The following FOXN3 variants were observed in gnomAD, a reference collection of about 807,000 sequenced individuals.
The protein encoded by FOXN3 is forkhead box protein N3.
Under a neutral mutation model 38.4 loss-of-function variants are expected in FOXN3, and 7 were observed. The observed-to-expected ratio is 0.18, with a 90% CI of 0.10 to 0.34. The LOEUF is 0.34. FOXN3 is among the 10% of genes least tolerant of loss of function. FOXN3 has a pLI of 1.00. For missense variants in FOXN3, 456 were observed against 613.4 expected, an observed-to-expected ratio of 0.74 and a Z score of 2.71; for synonymous variants, 230 against 242.2, an observed-to-expected ratio of 0.95 and a Z score of 0.47.
chr14:89,374,290 A>AAAAAAG (rs60304712), intron 2 of FOXN3, among the ~76,000 whole-genome samples: 509 of 126,176 alleles, frequency 4.0e-3, no homozygotes, highest in South Asian at 6.4e-3. Flanking sequence ...AAAAAAAAAA[A>AAAAAAG]GAAGGAAGGA....
intron 1 of FOXN3, among the ~76,000 whole-genome samples, chr14:89,494,743 C>T (rs1383987171): frequency 6.6e-6 from 1 of 152,202 alleles, no homozygotes; most frequent in Non-Finnish European, 1.5e-5. Flanking sequence ...CATTAGCAGG[C>T]TATAAACCCA....
In FOXN3 at chr14:89,163,157, C is replaced by T. The variant is rs538037781; in HGVS notation, c.852-188G>A. Among the ~76,000 whole-genome samples, 14 of 152,290 alleles carry T rather than the reference C, an allele frequency of 9.2e-5. No individual in the cohort carries two copies. The highest frequency in any genetic ancestry group is 5.2e-4 in the Admixed American group (8 of 15,300). On this transcript the variant is annotated intron_variant, in intron 5 of 5. Coordinates refer to ENST00000557258, the MANE Select transcript of FOXN3 (RefSeq NM_005197.4). The surrounding 1 kb of genome is among the most constrained non-coding windows in gnomAD (Gnocchi z 4.3). ...GAAGGCAGGGTCCTAAATCCTGACA[C>T]CTCAGTCTCCCCTGCTTATCTCCTA... is the stretch of plus-strand genomic sequence containing the variant.
intron 1 of FOXN3, among the ~76,000 whole-genome samples, chr14:89,414,945 A>G (rs151131309): frequency 1.1e-3 from 161 of 152,296 alleles, no homozygotes; most frequent in African/African-American, 3.8e-3. Flanking sequence ...CTCACAGGGA[A>G]TATTTCTTTC....
intron 4 of FOXN3, among the ~76,000 whole-genome samples, chr14:89,266,723 A>G (rs1023782736): frequency 6.6e-6 from 1 of 152,144 alleles, no homozygotes; most frequent in African/African-American, 2.4e-5. Context: ...TGGGGGAAAT[A>G]AGTAAGGTGT....
At chr14:89,409,622 T>C (rs1034610241) in intron 2 of FOXN3, among the ~76,000 whole-genome samples, 1 of 152,238 alleles carries the variant, frequency 6.6e-6, no homozygotes, top group Non-Finnish European at 1.5e-5. Context: ...TGTTGCTTTA[T>C]CACTGCTGTG....
At chr14:89,384,022 G>C (rs1416412650) in intron 2 of FOXN3, among the ~76,000 whole-genome samples, 7 of 142,822 alleles carry the variant, frequency 4.9e-5, no homozygotes, top group Admixed American at 1.3e-4. Context: ...TGAATTTGGT[G>C]GGGGGGGACA....
chr14:89,283,216 T>C lies in FOXN3; in HGVS notation c.681-2202A>G, dbSNP rs117281476. Among the ~76,000 whole-genome samples the C allele has an allele frequency of 5.6e-3, 854 of 152,338 alleles. 4 individuals carry two copies. Among genetic ancestry groups the C allele is most frequent in the Non-Finnish European group, 8.8e-3 (596 of 68,036 alleles). On this transcript the variant is annotated intron_variant, in intron 3 of 5. Coordinates refer to ENST00000557258, the MANE Select transcript of FOXN3 (RefSeq NM_005197.4). ...ACTGTTAGAAGATCCGAGGATTTAT[T>C]AAACTCCTGCTGAGAATTGTGCTTG...
intron 1 of FOXN3, 120 bp downstream of exon 1, chr14:89,416,751 C>A (rs1437006885): frequency 1.3e-5 from 2 of 152,184 alleles, no homozygotes; most frequent in African/African-American, 4.8e-5. Context: ...CCAGGACCTG[C>A]GGGGTCCCTC....
At chr14:89,496,719 G>A (rs1400108350) in intron 1 of FOXN3, among the ~76,000 whole-genome samples, 1 of 152,048 alleles carries the variant, frequency 6.6e-6, no homozygotes, top group Non-Finnish European at 1.5e-5. Flanking sequence ...TATTCATAAT[G>A]ACATGCAACC....
intron 3 of FOXN3, among the ~76,000 whole-genome samples, chr14:89,322,644 G>T (rs542104226): frequency 1.3e-5 from 2 of 152,274 alleles, no homozygotes; most frequent in Non-Finnish European, 2.9e-5. Flanking sequence ...AGAGTCATAT[G>T]AGGTGCTTCT....
At chr14:89,192,505 T>G (rs1300345467) in intron 4 of FOXN3, among the ~76,000 whole-genome samples, 1 of 140,622 alleles carries the variant, frequency 7.1e-6, no homozygotes, top group Non-Finnish European at 1.5e-5. Flanking sequence ...TAACATTTTA[T>G]AAACTATATA....
intron 4 of FOXN3, among the ~76,000 whole-genome samples, chr14:89,233,506 AT>A (rs1176808694): frequency 6.6e-6 from 1 of 152,242 alleles, no homozygotes; most frequent in Admixed American, 6.5e-5. Context: ...GTATCTATGA[AT>A]TTTTAAATCA....
At chr14:89,494,985 G>C (rs1403163912) in intron 1 of FOXN3, among the ~76,000 whole-genome samples, 1 of 152,178 alleles carries the variant, frequency 6.6e-6, no homozygotes, top group Non-Finnish European at 1.5e-5. Flanking sequence ...GTGAAGAAAA[G>C]TCAAACTCAT....
At chr14:89,574,005 T>G (rs554221553) in intron 1 of FOXN3, among the ~76,000 whole-genome samples, 3 of 152,274 alleles carry the variant, frequency 2.0e-5, no homozygotes, top group African/African-American at 7.2e-5. Flanking sequence ...CATTCCAGCC[T>G]GAGCAACACA....
At chr14:89,499,864 G>C (rs563567089) in intron 1 of FOXN3, among the ~76,000 whole-genome samples, 77 of 152,120 alleles carry the variant, frequency 5.1e-4, no homozygotes, top group African/African-American at 1.8e-3. Context: ...CCACGGAAGG[G>C]GAGTCATTTT....
chr14:89,348,867 T>A (rs1268402083), intron 3 of FOXN3, among the ~76,000 whole-genome samples: 1 of 152,138 alleles, frequency 6.6e-6, no homozygotes, highest in South Asian at 2.1e-4. Flanking sequence ...CCCCCAGAGC[T>A]CCTCTATAAT....
chr14:89,584,075 G>A lies in FOXN3; in HGVS notation c.-15+34953C>T, dbSNP rs1302793748. The stretch of plus-strand genomic sequence containing the variant: ...GGGTTTCACCATGTTGGCCAGGCTG[G>A]TCTTGAACTCTTTACTCAAGGAATC... On this transcript the variant is annotated intron_variant, in intron 1 of 6. Transcript: ENST00000345097. 2.0e-5 allele frequency among the ~76,000 whole-genome samples: 3 copies of A among 151,548 alleles called. No homozygotes were observed. In the East Asian group the frequency reaches 5.9e-4, roughly 30 times the overall value.
At chr14:89,332,704 A>G (rs886344134) in intron 3 of FOXN3, among the ~76,000 whole-genome samples, 1 of 152,192 alleles carries the variant, frequency 6.6e-6, no homozygotes, top group Admixed American at 6.5e-5. Flanking sequence ...CATAAGTGGG[A>G]CTACATCAAA....
chr14:89,217,194 C>T (rs969847436), intron 4 of FOXN3, among the ~76,000 whole-genome samples: 1 of 152,122 alleles, frequency 6.6e-6, no homozygotes, highest in African/African-American at 2.4e-5. Context: ...GAGTGCAGTG[C>T]TGCGATCACA....
Sources: gnomAD v4.1 joint callset for allele counts (sites outside exome capture counted in the v4.1 genomes callset) on GRCh38, gnomAD v4.1.1 for gene constraint, Gnocchi (gnomAD v3.1) non-coding constraint, MANE v1.5 for transcripts, NCBI Gene and HGNC (gene_info 2026-07-23, HGNC 2026-07-21) for gene names.